Variants in RYR2 observed in about 807,000 individuals in gnomAD.
RYR2 encodes ryanodine receptor 2.
In RYR2, 227 loss-of-function variants were observed where a neutral mutation model predicts 601.1. The ratio of observed to expected loss-of-function variants is 0.38; its 90% CI spans 0.34 to 0.42. The LOEUF is 0.42. Among genes scored for constraint, RYR2 ranks in the 10% least tolerant of loss-of-function variants. The pLI, the probability that RYR2 is intolerant of heterozygous loss-of-function variation, is 1.00. For missense variants in RYR2, 4,646 were observed against 6,156.5 expected, an observed-to-expected ratio of 0.75 and a Z score of 8.21; for synonymous variants, 2,223 against 2,175.1, an observed-to-expected ratio of 1.02 and a Z score of -0.61.
chr1:237,050,895 C>T (rs1360813408), intron 1 of RYR2, among the ~76,000 whole-genome samples: 22 of 152,202 alleles, frequency 1.4e-4, no homozygotes, highest in Admixed American at 1.4e-3. Context: ...GATTTAAATT[C>T]TTCTAGCTTT....
At chr1:237,353,383 C>T (rs760459908) in intron 3 of RYR2, among the ~76,000 whole-genome samples, 22 of 151,846 alleles carry the variant, frequency 1.4e-4, no homozygotes, top group Non-Finnish European at 2.5e-4. Flanking sequence ...GTGGCGGGCA[C>T]CTGTAATCCC....
intron 1 of RYR2, among the ~76,000 whole-genome samples, chr1:237,202,488 A>G (rs970993373): frequency 3.9e-5 from 6 of 151,982 alleles, no homozygotes; most frequent in Non-Finnish European, 4.4e-5. Flanking sequence ...GCTCACTGCA[A>G]CCTCCACCTC....
In RYR2 at chr1:237,792,179, C is replaced by G; in HGVS notation, c.13638C>G (p.Ser4546Arg). The G allele has an allele frequency of 6.2e-7, 1 of 1,613,048 alleles. No homozygotes were observed. The highest frequency in any genetic ancestry group is 8.5e-7 in the Non-Finnish European group (1 of 1,179,514). ...RSSSENAKVT[S>R]LDSSSHRIIA... is the part of the protein sequence containing the mutation. ...CAAGTGAAAATGCCAAAGTGACAAG[C>G]CTGGACAGCAGCTCCCATAGAATCA... The change falls in exon 94 of 105, where the codon AGC (serine) becomes AGG (arginine). Residue 4546 changes from serine to arginine, a missense_variant. Physicochemically the swap from Ser to Arg is moderately radical, Grantham distance 110. Around this residue, in one of 17 missense-constraint regions of RYR2, gnomAD observed 364 missense variants for 442.9 expected, o/e 0.82. Transcript: ENST00000366574.
intron 68 of RYR2, 107 bp from the exon 69 acceptor site, chr1:237,708,751 T>A (rs1013232168): frequency 1.5e-4 from 151 of 981,530 alleles, no homozygotes; most frequent in Non-Finnish European, 1.8e-4. Context: ...AAGGAAGTCA[T>A]GTGCTGGAGA....
chr1:237,347,507 C>T (rs900528144), intron 3 of RYR2, among the ~76,000 whole-genome samples: 7 of 152,106 alleles, frequency 4.6e-5, no homozygotes, highest in African/African-American at 1.4e-4. Context: ...TCATTTAATT[C>T]TGTCCTAAAT....
intron 11 of RYR2, among the ~76,000 whole-genome samples, chr1:237,421,512 T>C (rs998320492): frequency 6.6e-6 from 1 of 152,182 alleles, no homozygotes; most frequent in Non-Finnish European, 1.5e-5. Context: ...AAAATGAACT[T>C]GTTATAACAT....
intron 1 of RYR2, among the ~76,000 whole-genome samples, chr1:237,117,902 G>A (rs546822713): frequency 8.5e-5 from 13 of 152,108 alleles, no homozygotes; most frequent in East Asian, 1.9e-4. Flanking sequence ...GCACCACCAC[G>A]CCTCACTAAT....
intron 29 of RYR2, among the ~76,000 whole-genome samples, chr1:237,580,779 G>A (rs1673828832): frequency 6.6e-6 from 1 of 152,172 alleles, no homozygotes; most frequent in Admixed American, 6.5e-5. Context: ...TATGGCTGGT[G>A]TCCTCATAAG....
chr1:237,405,908 T>TTTTTTTTTTTTTTTTTG (rs1384589691), intron 10 of RYR2, among the ~76,000 whole-genome samples: 1 of 148,188 alleles, frequency 6.7e-6, no homozygotes, highest in African/African-American at 2.4e-5. Context: ...AAAACTTTCT[T>TTTTTTTTTTTTTTTTTG]AACTTTATCT....
chr1:237,539,420 T>C lies in RYR2; in HGVS notation c.2906+8910T>C, dbSNP rs530193115. On this transcript the variant is annotated intron_variant, in intron 25 of 104. Coordinates refer to ENST00000366574, the MANE Select transcript of RYR2 (RefSeq NM_001035.3). The stretch of plus-strand genomic sequence containing the variant: ...AGAATAACCTTTTCATAGCCCACAA[T>C]ATTTCTACTGCTGTCTCTTTTGCAT... 1.3e-4 allele frequency among the ~76,000 whole-genome samples: 20 copies of C among 152,362 alleles called. No individual in the cohort carries two copies. In the East Asian group the frequency reaches 3.9e-3, roughly 29 times the overall value.
intron 1 of RYR2, among the ~76,000 whole-genome samples, chr1:237,074,082 A>G (rs901261739): frequency 6.6e-6 from 1 of 152,048 alleles, no homozygotes; most frequent in Non-Finnish European, 1.5e-5. Flanking sequence ...CTCAGGGGGC[A>G]GAGGCAGAAG....
intron 1 of RYR2, among the ~76,000 whole-genome samples, chr1:237,073,865 T>TAAAAAAAA (rs770238369): frequency 5.7e-5 from 5 of 88,076 alleles, no homozygotes; most frequent in African/African-American, 1.1e-4. Flanking sequence ...AGACTCCATC[T>TAAAAAAAA]TAAAAAAAAA....
intron 54 of RYR2, among the ~76,000 whole-genome samples, chr1:237,659,025 T>A (rs1683516406): frequency 6.6e-6 from 1 of 152,016 alleles, no homozygotes; most frequent in African/African-American, 2.4e-5. Flanking sequence ...ATCAGAGGAG[T>A]TGAGTTGAGA....
intron 10 of RYR2, among the ~76,000 whole-genome samples, chr1:237,397,410 C>G (rs1362511411): frequency 6.6e-6 from 1 of 152,102 alleles, no homozygotes; most frequent in African/African-American, 2.4e-5. Flanking sequence ...TATGTCACGA[C>G]TATGTTTTAT....
At chr1:237,734,818 TG>T in intron 79 of RYR2, among the ~76,000 whole-genome samples, 1 of 152,276 alleles carries the variant, frequency 6.6e-6, no homozygotes, top group East Asian at 1.9e-4. Context: ...TAAGTGGAGG[TG>T]TCAAACATGC....
At chr1:237,657,366 T>C (rs960292992) in intron 53 of RYR2, among the ~76,000 whole-genome samples, 4 of 151,974 alleles carry the variant, frequency 2.6e-5, no homozygotes, top group African/African-American at 9.7e-5. Flanking sequence ...TAATTTTCCA[T>C]TCATAGATAC....
intron 24 of RYR2, among the ~76,000 whole-genome samples, chr1:237,512,065 T>G (rs1665972506): frequency 6.6e-6 from 1 of 152,164 alleles, no homozygotes; most frequent in East Asian, 1.9e-4. Context: ...GAGGATTTTG[T>G]GACCTGATAG....
rs1325820873 is a variant in RYR2, at chr1:237,208,986, G to GTATATATATATATATA, written c.49-61507_49-61506insTATATATATATATATA. Among the ~76,000 whole-genome samples, 76 of 86,384 alleles carry GTATATATATATATATA rather than the reference G, an allele frequency of 8.8e-4. 1 individual carries two copies. In the Middle Eastern group the frequency reaches 0.028, roughly 32 times the overall value. The allele number at this position is 86,384 out of a possible 152,430, so 56.7% of individuals were successfully genotyped here. On this transcript the variant is annotated intron_variant, in intron 1 of 104. Transcript: ENST00000366574. ...TATATATATATATATATATATATAT[G>GTATATATATATATATA]TATACTGTAATTGAACTATGATTCA...
intron 87 of RYR2, 147 bp from the exon 88 acceptor site, chr1:237,778,519 T>G (rs1390693401): frequency 2.2e-6 from 1 of 459,400 alleles, no homozygotes; most frequent in African/African-American, 2.0e-5. Context: ...TGTATCTCCT[T>G]CTTTCACTTT....
Sources: allele counts gnomAD v4.1 joint callset (sites outside exome capture counted in the v4.1 genomes callset), GRCh38; gene constraint gnomAD v4.1.1; regional missense constraint gnomAD v4.1.1; transcripts MANE v1.5; gene names NCBI Gene and HGNC (gene_info 2026-07-23, HGNC 2026-07-21).